TLN2: variants seen among roughly 807,000 people sequenced by gnomAD.
TLN2 encodes talin 2, also known as talin-2.
TLN2 carries 118 observed loss-of-function variants against 294.7 expected under a neutral mutation model. The observed-to-expected ratio is 0.40, with a 90% confidence interval of 0.34 to 0.47. TLN2 has a LOEUF of 0.47. TLN2 is among the 20% of genes least tolerant of loss of function. The pLI, the probability that TLN2 is intolerant of heterozygous loss-of-function variation, is 0.84. For missense variants in TLN2, 3,083 were observed against 3,282.2 expected, an observed-to-expected ratio of 0.94 and a Z score of 1.48; for synonymous variants, 1,431 against 1,304.5, an observed-to-expected ratio of 1.10 and a Z score of -2.09.
intron 54 of TLN2, chr15:62,829,169 T>TATATATATATAATAC (rs1165413291): frequency 6.5e-3 from 5 of 774 alleles, no homozygotes; most frequent in African/African-American, 7.8e-3. Flanking sequence ...TAATATATAT[T>TATATATATATAATAC]ATATTATATA....
At chr15:62,538,715 C>T (rs908170072) in intron 1 of TLN2, among the ~76,000 whole-genome samples, 1 of 152,078 alleles carries the variant, frequency 6.6e-6, no homozygotes, top group Non-Finnish European at 1.5e-5. Context: ...TTAAATTCTC[C>T]CCTCTAACCT....
chr15:62,727,173 C>A lies in TLN2; in HGVS notation c.3342C>A (p.Gly1114=), dbSNP rs778806061. The A allele has an allele frequency of 6.2e-7, 1 of 1,614,180 alleles. No individual in the cohort carries two copies. The highest frequency in any genetic ancestry group is 2.2e-5 in the East Asian group (1 of 44,882). ...AGCTGCTGACCTGTGCTGCTCAAGG[C>A]AACGAACACTACACAGGTGAGACCC... is the stretch of plus-strand genomic sequence containing the variant. ...MAQLLTCAAQ[G]NEHYTGVAAR... The change falls in exon 28 of 59, where the codon GGC becomes GGA. Residue 1114 remains glycine, a synonymous_variant. Transcript: ENST00000636159.
intron 1 of TLN2, among the ~76,000 whole-genome samples, chr15:62,477,899 TGGA>T (rs2140375821): frequency 1.3e-4 from 1 of 7,752 alleles, no homozygotes; most frequent in African/African-American, 4.9e-4. Flanking sequence ...GTGGGGGGGA[TGGA>T]GGGGGGGGTG....
intron 7 of TLN2, among the ~76,000 whole-genome samples, chr15:62,653,998 A>G (rs1232289355): frequency 6.6e-6 from 1 of 152,218 alleles, no homozygotes; most frequent in Non-Finnish European, 1.5e-5. Context: ...ATCTGTGTAG[A>G]CACTGAAGAA....
chr15:62,811,598 A>G (rs1315716901), intron 52 of TLN2, among the ~76,000 whole-genome samples: 1 of 152,230 alleles, frequency 6.6e-6, no homozygotes, highest in Non-Finnish European at 1.5e-5. Context: ...AAGTAGCTAC[A>G]TGGCCACTGT....
intron 1 of TLN2, among the ~76,000 whole-genome samples, chr15:62,469,778 C>G (rs2037361986): frequency 6.6e-6 from 1 of 152,184 alleles, no homozygotes; most frequent in Non-Finnish European, 1.5e-5. Flanking sequence ...TGGCTCTCTT[C>G]TAGCTAAAGT....
At chr15:62,443,862 G>A (rs1333752868) in intron 1 of TLN2, among the ~76,000 whole-genome samples, 1 of 152,162 alleles carries the variant, frequency 6.6e-6, no homozygotes, top group Non-Finnish European at 1.5e-5. Context: ...AGCCAGGCAT[G>A]GTGATATGTG....
At chr15:62,834,223 T>C (rs1596192601) in intron 55 of TLN2, 1 of 152,318 alleles carries the variant, frequency 6.6e-6, no homozygotes, top group East Asian at 1.9e-4. Flanking sequence ...ACATTAGTAA[T>C]TCTGGATATG....
intron 1 of TLN2, among the ~76,000 whole-genome samples, chr15:62,549,932 A>G (rs781073942): frequency 1.3e-5 from 2 of 152,142 alleles, no homozygotes; most frequent in Admixed American, 6.5e-5. Context: ...CTGCCACCTG[A>G]GATTCTGATC....
At chr15:62,692,694 T>G in intron 12 of TLN2, 146 bp from the exon 13 acceptor site, 1 of 629,578 alleles carries the variant, frequency 1.6e-6, no homozygotes, top group Non-Finnish European at 2.8e-6. Context: ...TATTGTTGAA[T>G]AAATTTTAGG....
chr15:62,565,872 G>A (rs1367920268), intron 1 of TLN2, among the ~76,000 whole-genome samples: 4 of 151,986 alleles, frequency 2.6e-5, no homozygotes, highest in Non-Finnish European at 5.9e-5. Flanking sequence ...ATTGTCAGGG[G>A]CTGGGCTTTG....
rs768470389 is a variant in TLN2 at position 62,615,381 on chromosome 15, G to A, written c.-161-2970G>A. On this transcript the variant is annotated intron_variant, in intron 2 of 58. Transcript: ENST00000636159. The stretch of plus-strand genomic sequence containing the variant: ...TACAATAAATACAACTGGTCTGAAC[G>A]GGTTTGAGAACACACTACTCTAGCA... 7.2e-5 allele frequency among the ~76,000 whole-genome samples: 11 copies of A among 152,298 alleles called. No homozygotes were observed. The East Asian group carries it at 1.9e-3, about 27-fold the overall frequency.
At chr15:62,778,745 C>T (rs2063897719) in intron 43 of TLN2, among the ~76,000 whole-genome samples, 1 of 152,176 alleles carries the variant, frequency 6.6e-6, no homozygotes, top group Non-Finnish European at 1.5e-5. Context: ...TTAGGAACTG[C>T]CAGCCAACAC....
At chr15:62,626,056 C>A (rs7176471) in intron 3 of TLN2, among the ~76,000 whole-genome samples, 104,601 of 152,078 alleles carry the variant, frequency 0.69, 36,661 homozygotes, top group Middle Eastern at 0.82. Flanking sequence ...CCTTGACTTC[C>A]AGCCATTCAT....
chr15:62,414,164 C>CTATATA (rs780803268), intron 1 of TLN2, among the ~76,000 whole-genome samples: 7,104 of 90,520 alleles, frequency 0.078, 855 homozygotes, highest in East Asian at 0.42. Context: ...AAAAAAAAAA[C>CTATATA]TATATATATA....
intron 1 of TLN2, among the ~76,000 whole-genome samples, chr15:62,466,012 A>G (rs1158464824): frequency 1.3e-5 from 2 of 152,212 alleles, no homozygotes; most frequent in African/African-American, 2.4e-5. Context: ...AGGAGAAAGC[A>G]GTTGCTTTTA....
At chr15:62,766,946 C>T (rs2063044882) in intron 41 of TLN2, among the ~76,000 whole-genome samples, 1 of 152,208 alleles carries the variant, frequency 6.6e-6, no homozygotes, top group Admixed American at 6.5e-5. Context: ...GATTCATACC[C>T]ACATTGTGTT....
chr15:62,569,503 T>A (rs1298305103), intron 1 of TLN2, among the ~76,000 whole-genome samples: 1 of 152,220 alleles, frequency 6.6e-6, no homozygotes, highest in African/African-American at 2.4e-5. Flanking sequence ...TGCCCAGGAT[T>A]GCCTGGGTGC....
At chr15:62,488,590 C>G (rs554142505) in intron 1 of TLN2, among the ~76,000 whole-genome samples, 4 of 152,340 alleles carry the variant, frequency 2.6e-5, no homozygotes, top group African/African-American at 9.6e-5. Context: ...TGAATGACTA[C>G]CCAGCATTGC....
Sources: allele counts gnomAD v4.1 joint callset (sites outside exome capture counted in the v4.1 genomes callset), GRCh38; gene constraint gnomAD v4.1.1; transcripts MANE v1.5; gene names NCBI Gene and HGNC (gene_info 2026-07-23, HGNC 2026-07-21).